MTA3: variants seen among roughly 807,000 people sequenced by gnomAD.
MTA3 encodes the protein metastasis associated 1 family member 3, also known as metastasis-associated protein MTA3.
Under a neutral mutation model 83.5 loss-of-function variants are expected in MTA3, and 34 were observed. The ratio of observed to expected loss-of-function variants is 0.41; its 90% CI spans 0.31 to 0.54. MTA3 has a LOEUF of 0.54. MTA3 is among the 20% of genes least tolerant of loss of function. MTA3 has a pLI of 0.33. For synonymous variants in MTA3, 303 were observed against 252.7 expected (o/e 1.20, Z -1.89); for missense variants, 761 against 726.4 (o/e 1.05, Z -0.55).
intron 6 of MTA3, among the ~76,000 whole-genome samples, 182 bp from the exon 7 acceptor site, chr2:42,656,017 TC>T (rs1253882866): frequency 6.6e-6 from 1 of 152,248 alleles, no homozygotes; most frequent in Non-Finnish European, 1.5e-5. Flanking sequence ...TAGTTTGGTG[TC>T]ATTATCATCA....
chr2:42,530,138 T>C (rs1315964162), intron 2 of MTA3, among the ~76,000 whole-genome samples: 1 of 146,434 alleles, frequency 6.8e-6, no homozygotes, highest in East Asian at 2.0e-4. Flanking sequence ...TGAGCCAAGA[T>C]CATACCACTG....
chr2:42,684,215 A>C (rs1692180827), intron 9 of MTA3, among the ~76,000 whole-genome samples: 1 of 152,230 alleles, frequency 6.6e-6, no homozygotes, highest in Non-Finnish European at 1.5e-5. Flanking sequence ...AGATTTTCAT[A>C]AATAGCTTTC....
chr2:42,653,947 GT>G (rs1420721350), intron 6 of MTA3, among the ~76,000 whole-genome samples: 7 of 152,194 alleles, frequency 4.6e-5, no homozygotes, highest in African/African-American at 1.4e-4. Context: ...ACACAGGCAG[GT>G]TAATTGTGTC....
chr2:42,570,450 T>A lies in MTA3; in HGVS notation c.42T>A (p.Phe14Leu), dbSNP rs1254990605. 5 of 1,538,616 alleles carry A rather than the reference T, an allele frequency of 3.2e-6. No individual in the cohort carries two copies. Among genetic ancestry groups the A allele is most frequent in the Non-Finnish European group, 3.5e-6 (4 of 1,132,556 alleles). Residue 14 changes from phenylalanine (F) to leucine (L), a missense_variant, in exon 2 of 17, where the codon TTT becomes TTA. Phe to Leu is a conservative substitution (Grantham distance 22). Coordinates refer to ENST00000405094, the MANE Select transcript of MTA3 (RefSeq NM_001330442.2). ...NMYRVGDYVY[F>L]ENSSSNPYLI... The stretch of plus-strand genomic sequence containing the variant: ...CTTTAATTACAGATTATGTCTACTT[T>A]GAGAATTCCTCCAGCAACCCATACC...
rs1390871409 is a variant in MTA3 at position 42,640,173 on chromosome 2, G to C, written c.318G>C (p.Arg106Ser). Residue 106 changes from arginine (R) to serine (S), a missense_variant and splice_region_variant, in exon 5 of 17, where the codon AGG becomes AGC. Physicochemically the swap from Arg to Ser is moderately radical, Grantham distance 110. Transcript: ENST00000405094. ...QYESLPATHI[R>S]GKCSVALLNE... ...TTATTCTTTTTTTCTTTTTCAACAG[G>C]GGAAAGTGCAGTGTTGCCCTTCTGA... 1 of 1,601,798 alleles carries C rather than the reference G, an allele frequency of 6.2e-7. No homozygotes were observed. The highest frequency in any genetic ancestry group is 1.7e-5 in the Admixed American group (1 of 58,728).
intron 4 of MTA3, among the ~76,000 whole-genome samples, chr2:42,621,025 A>G (rs1685475297): frequency 1.3e-5 from 2 of 151,572 alleles, no homozygotes; most frequent in African/African-American, 4.8e-5. Flanking sequence ...ATCATGTTGT[A>G]CACTGTAAAT....
At chr2:42,697,132 A>G (rs373969868) in intron 10 of MTA3, among the ~76,000 whole-genome samples, 1 of 152,168 alleles carries the variant, frequency 6.6e-6, no homozygotes, top group African/African-American at 2.4e-5. Flanking sequence ...TTACTTCTCT[A>G]TTTGCCTGCA....
chr2:42,743,360 G>A (rs2104587744), intron 16 of MTA3, among the ~76,000 whole-genome samples: 1 of 152,306 alleles, frequency 6.6e-6, no homozygotes, highest in East Asian at 1.9e-4. Context: ...TCGTTTGGAG[G>A]TGCTCTTAAC....
At chr2:42,698,109 C>T (rs1021747912) in intron 11 of MTA3, among the ~76,000 whole-genome samples, 1 of 152,118 alleles carries the variant, frequency 6.6e-6, no homozygotes, top group Admixed American at 6.5e-5. Context: ...CTATGAAATG[C>T]TGTATTATTT....
chr2:42,662,907 T>G (rs993700996), intron 8 of MTA3, among the ~76,000 whole-genome samples: 1 of 152,012 alleles, frequency 6.6e-6, no homozygotes, highest in Non-Finnish European at 1.5e-5. Context: ...AATTTTTGTA[T>G]TTTTAGTAGA....
chr2:42,594,663 T>C (rs76526034), intron 3 of MTA3, among the ~76,000 whole-genome samples: 5 of 100,264 alleles, frequency 5.0e-5, no homozygotes, highest in East Asian at 2.6e-4. Context: ...AATATATATA[T>C]ACACACATAT....
intron 2 of MTA3, among the ~76,000 whole-genome samples, chr2:42,502,278 G>A (rs573570475): frequency 4.4e-4 from 67 of 152,154 alleles, no homozygotes; most frequent in Non-Finnish European, 7.2e-4. Flanking sequence ...GCCTGCAAGT[G>A]TGACCTCCTC....
chr2:42,606,765 G>A (rs1290004587), intron 3 of MTA3, among the ~76,000 whole-genome samples: 6 of 151,426 alleles, frequency 4.0e-5, no homozygotes, highest in Non-Finnish European at 8.8e-5. Flanking sequence ...CCGAGATCAC[G>A]CCACTGCACC....
intron 4 of MTA3, among the ~76,000 whole-genome samples, chr2:42,635,398 C>T (rs776475792): frequency 2.0e-5 from 3 of 151,972 alleles, no homozygotes; most frequent in East Asian, 1.9e-4. Context: ...GAGGCCGAGG[C>T]GGGTGGATCA....
intron 2 of MTA3, among the ~76,000 whole-genome samples, chr2:42,509,489 G>A (rs1405117899): frequency 6.6e-6 from 1 of 152,096 alleles, no homozygotes; most frequent in African/African-American, 2.4e-5. Context: ...CTATTTGTTG[G>A]CCGGGTATGG....
At chr2:42,516,598 C>T (rs562217559) in intron 2 of MTA3, among the ~76,000 whole-genome samples, 7 of 152,238 alleles carry the variant, frequency 4.6e-5, no homozygotes, top group Admixed American at 3.3e-4. Context: ...GGAAATGGCT[C>T]ACCGGCGGGA....
intron 16 of MTA3, among the ~76,000 whole-genome samples, chr2:42,746,896 G>A (rs571605283): frequency 4.4e-4 from 67 of 152,302 alleles, no homozygotes; most frequent in African/African-American, 1.6e-3. Flanking sequence ...AATTGGGTAG[G>A]CGTGATTAAC....
At chr2:42,720,195 T>TATTC (rs1558617920) in intron 15 of MTA3, among the ~76,000 whole-genome samples, 19 of 151,302 alleles carry the variant, frequency 1.3e-4, no homozygotes, top group South Asian at 4.2e-4. Context: ...TTTATTTATT[T>TATTC]TTTTTGAGAC....
At chr2:42,585,513 C>T (rs1265307547) in intron 3 of MTA3, among the ~76,000 whole-genome samples, 2 of 138,920 alleles carry the variant, frequency 1.4e-5, no homozygotes, top group South Asian at 2.3e-4. Context: ...CTCACTCTGT[C>T]GCCCAGGCCG....
Sources: allele counts gnomAD v4.1 joint callset (sites outside exome capture counted in the v4.1 genomes callset), GRCh38; gene constraint gnomAD v4.1.1; transcripts MANE v1.5; gene names NCBI Gene and HGNC (gene_info 2026-07-23, HGNC 2026-07-21).